Variants in DPH6 observed in about 807,000 individuals in gnomAD.
The protein encoded by DPH6 is diphthamine biosynthesis 6, also known as diphthine--ammonia ligase.
Under a neutral mutation model 38.2 loss-of-function variants are expected in DPH6, and 33 were observed. That is an observed-to-expected ratio of 0.86 (90% CI 0.65 to 1.15). The LOEUF (loss-of-function observed/expected upper bound fraction) is 1.15, where lower values mean the gene tolerates loss of function less well. Among genes scored for constraint, DPH6 ranks in the 50% most tolerant of loss-of-function variants. DPH6 has a pLI of 0.00. For missense variants in DPH6, 325 were observed against 320.0 expected (o/e 1.02, Z -0.12); for synonymous variants, 108 against 103.0 (o/e 1.05, Z -0.30).
intron 5 of DPH6, among the ~76,000 whole-genome samples, chr15:35,418,077 A>G (rs1233246773): frequency 1.3e-5 from 2 of 152,102 alleles, no homozygotes; most frequent in Non-Finnish European, 1.5e-5. Context: ...AATTTATTCA[A>G]TTTAGGTGTC....
At chr15:35,449,654 T>C (rs1268001477) in intron 5 of DPH6, among the ~76,000 whole-genome samples, 2 of 66,286 alleles carry the variant, frequency 3.0e-5, no homozygotes, top group African/African-American at 6.0e-5. Flanking sequence ...ACGTTAATCA[T>C]GAGAGCTGCT....
intron 3 of DPH6, among the ~76,000 whole-genome samples, chr15:35,306,585 C>A (rs529797607): frequency 6.6e-6 from 1 of 152,212 alleles, no homozygotes; most frequent in Admixed American, 6.5e-5. Flanking sequence ...TGCCTTAACA[C>A]AAATTGTACC....
chr15:35,371,680 A>G lies in DPH6; in HGVS notation c.*470T>C. On this transcript the variant is annotated 3_prime_UTR_variant, in exon 9 of 9. Coordinates refer to ENST00000256538, the MANE Select transcript of DPH6 (RefSeq NM_080650.4). Reference sequence around the variant, plus strand: ...AAACACTTCAACCATGAATATATTTAAAATAAAAATGATAAATCGCTTTGG... The same window carrying G: ...AAACACTTCAACCATGAATATATTTGAAATAAAAATGATAAATCGCTTTGG... The G allele has an allele frequency of 1.0e-6, 1 of 985,678 alleles. No individual in the cohort carries two copies. The highest frequency in any genetic ancestry group is 1.2e-6 in the Non-Finnish European group (1 of 830,176). The allele number at this position is 985,678 out of a possible 1,614,324, so 61.1% of individuals were successfully genotyped here.
At chr15:35,366,594 C>T (rs1290747148), downstream of DPH6, among the ~76,000 whole-genome samples, 2 of 151,848 alleles carry the variant, frequency 1.3e-5, no homozygotes, top group Non-Finnish European at 2.9e-5. Flanking sequence ...GCTCCCTTCC[C>T]CAAAGAATCC....
chr15:35,492,228 CG>C (rs1236425785), intron 3 of DPH6, among the ~76,000 whole-genome samples: 6 of 152,022 alleles, frequency 3.9e-5, no homozygotes, highest in Non-Finnish European at 5.9e-5. Flanking sequence ...CAACACATTG[CG>C]GGGAGGGCAA....
At chr15:35,301,181 C>G (rs903779364) in intron 3 of DPH6, among the ~76,000 whole-genome samples, 1 of 152,146 alleles carries the variant, frequency 6.6e-6, no homozygotes, top group Non-Finnish European at 1.5e-5. Context: ...AACATTTCTT[C>G]CAATATTTAC....
chr15:35,489,769 G>T (rs762923471), intron 3 of DPH6: 302 of 983,090 alleles, frequency 3.1e-4, no homozygotes, highest in Non-Finnish European at 3.4e-4. Context: ...TTTTGCCTTA[G>T]GAGGATAGAG....
chr15:35,545,690 G>T (rs2055337184), intron 1 of DPH6, among the ~76,000 whole-genome samples: 1 of 152,252 alleles, frequency 6.6e-6, no homozygotes, highest in African/African-American at 2.4e-5. Context: ...AGAAAGCGAG[G>T]GGGAAAGGGC....
chr15:35,245,274 T>G (rs1277212618), intron 3 of DPH6, among the ~76,000 whole-genome samples: 4 of 134,488 alleles, frequency 3.0e-5, no homozygotes, highest in African/African-American at 8.5e-5. Context: ...AGTCTTGCAC[T>G]CTCGCCCAGG....
At chr15:35,538,505 G>A (rs369411713) in intron 2 of DPH6, 38 bp from the exon 3 acceptor site, 53 of 1,419,444 alleles carry the variant, frequency 3.7e-5, no homozygotes, top group Non-Finnish European at 4.6e-5. Context: ...GCAAAAGAGA[G>A]TGAAAAAGAA....
intron 3 of DPH6, among the ~76,000 whole-genome samples, chr15:35,488,900 C>A (rs969821092): frequency 7.9e-5 from 12 of 152,066 alleles, no homozygotes; most frequent in Non-Finnish European, 1.5e-4. Context: ...ATTAATACTG[C>A]AAGTTTGTGC....
chr15:35,314,957 C>T (rs528032573), intron 3 of DPH6, among the ~76,000 whole-genome samples: 3 of 152,192 alleles, frequency 2.0e-5, no homozygotes, highest in East Asian at 1.9e-4. Context: ...AAAAAGGTCA[C>T]GGTCATTGTT....
chr15:35,210,974 T>G, the DPH6 span, among the ~76,000 whole-genome samples: 1 of 139,756 alleles, frequency 7.2e-6, no homozygotes, highest in African/African-American at 2.7e-5. Context: ...TTTTTTTTTT[T>G]GCAAATCAGC....
At chr15:35,526,274 T>C (rs1292237926) in intron 3 of DPH6, among the ~76,000 whole-genome samples, 1 of 152,132 alleles carries the variant, frequency 6.6e-6, no homozygotes, top group East Asian at 1.9e-4. Context: ...CCAAAACCAA[T>C]CTTATAGTAG....
rs1297458656 is a variant in DPH6, at chr15:35,545,286, T to C, written c.23+833A>G. Among the ~76,000 whole-genome samples the C allele has an allele frequency of 6.6e-5, 10 of 152,246 alleles. No homozygotes were observed. In the East Asian group the frequency reaches 1.5e-3, roughly 23 times the overall value. On this transcript the variant is annotated intron_variant, in intron 1 of 8. Coordinates refer to ENST00000256538, the MANE Select transcript of DPH6 (RefSeq NM_080650.4). ...GTGTGTTCCCTTCTGCCTCAGTTTA[T>C]AGATTGAGTATGGAAATATTTAAGC...
intron 3 of DPH6, among the ~76,000 whole-genome samples, chr15:35,224,297 G>A (rs1237577325): frequency 1.3e-5 from 2 of 151,836 alleles, no homozygotes; most frequent in Admixed American, 6.6e-5. Context: ...AGTAGAGACG[G>A]GGTTTCATCA....
At chr15:35,171,739 G>C in the DPH6 span, among the ~76,000 whole-genome samples, 1 of 151,896 alleles carries the variant, frequency 6.6e-6, no homozygotes, top group Non-Finnish European at 1.5e-5. Flanking sequence ...AAATACTTGG[G>C]AATACTTAGC....
chr15:35,187,214 A>G, the DPH6 span, among the ~76,000 whole-genome samples: 1 of 152,226 alleles, frequency 6.6e-6, no homozygotes, highest in South Asian at 2.1e-4. Flanking sequence ...ACATTGAATC[A>G]TCATGACAAC....
intron 5 of DPH6, among the ~76,000 whole-genome samples, chr15:35,411,140 G>A (rs928822402): frequency 2.0e-5 from 3 of 151,702 alleles, no homozygotes; most frequent in South Asian, 4.1e-4. Flanking sequence ...ACTACCAGAC[G>A]CATTGTTTCA....
Sources: gnomAD v4.1 joint callset for allele counts (sites outside exome capture counted in the v4.1 genomes callset) on GRCh38, gnomAD v4.1.1 for gene constraint, MANE v1.5 for transcripts, NCBI Gene and HGNC (gene_info 2026-07-23, HGNC 2026-07-21) for gene names.